ZSWIM5: variants seen among roughly 807,000 people sequenced by gnomAD.
ZSWIM5 encodes zinc finger SWIM domain-containing protein 5.
Under a neutral mutation model 119.6 loss-of-function variants are expected in ZSWIM5, and 55 were observed. The observed-to-expected ratio is 0.46, with a 90% CI of 0.37 to 0.58. The LOEUF (loss-of-function observed/expected upper bound fraction) is 0.58. Ranked by LOEUF, ZSWIM5 falls within the 20% of genes least tolerant of loss-of-function variation. The pLI, the probability that ZSWIM5 is intolerant of heterozygous loss-of-function variation, is 0.00. For missense variants in ZSWIM5, 1,193 were observed against 1,512.8 expected (o/e 0.79, Z 3.51); for synonymous variants, 537 against 606.9 (o/e 0.88, Z 1.69).
At position 45,019,925 on chromosome 1, in the gene ZSWIM5, G is replaced by GC; in HGVS notation, c.2695+140dup. 4 of 713,236 alleles carry GC rather than the reference G, an allele frequency of 5.6e-6. No homozygotes were observed. The highest frequency in any genetic ancestry group is 9.5e-6 in the Non-Finnish European group (4 of 422,646). The allele number at this position is 713,236 out of a possible 1,614,324, so 44.2% of individuals were successfully genotyped here. On this transcript the variant is annotated intron_variant, in intron 13 of 13. Transcript: ENST00000359600. This position sits in a 1 kb window ranked among gnomAD's most constrained non-coding sequence, Gnocchi z 5.0. ...CAGAGGCCACCTTCTCCTACCAGCA[G>GC]CCCCATCCTTTCTTAGGCCATCTCC...
At chr1:45,170,709 G>A (rs983605363) in intron 1 of ZSWIM5, among the ~76,000 whole-genome samples, 6 of 151,960 alleles carry the variant, frequency 3.9e-5, no homozygotes, top group African/African-American at 1.4e-4. Context: ...GATTACAGGT[G>A]CACAGGTGCA....
chr1:45,152,525 T>C (rs185641666), intron 1 of ZSWIM5, among the ~76,000 whole-genome samples: 43 of 151,914 alleles, frequency 2.8e-4, no homozygotes, highest in African/African-American at 9.1e-4. Flanking sequence ...ATTCAATAAA[T>C]GGTGCTGGGT....
chr1:45,058,570 T>C, intron 4 of ZSWIM5, 39 bp downstream of exon 4: 1 of 1,612,692 alleles, frequency 6.2e-7, no homozygotes, highest in Non-Finnish European at 8.5e-7. Flanking sequence ...CAGGGCAAGA[T>C]GGTAGAACAA....
At chr1:45,023,107 T>C (rs762365884) in intron 11 of ZSWIM5, among the ~76,000 whole-genome samples, 4 of 152,210 alleles carry the variant, frequency 2.6e-5, no homozygotes, top group Non-Finnish European at 5.9e-5. Context: ...AAGTCTACAG[T>C]TTACATTAGG....
At chr1:45,069,427 A>C (rs974210457) in intron 2 of ZSWIM5, among the ~76,000 whole-genome samples, 1 of 134,002 alleles carries the variant, frequency 7.5e-6, no homozygotes, top group Non-Finnish European at 1.5e-5. Flanking sequence ...CTCCGTCTCC[A>C]AAAAAAAAAA....
intron 1 of ZSWIM5, among the ~76,000 whole-genome samples, chr1:45,146,697 T>A (rs1470504292): frequency 6.9e-6 from 1 of 143,996 alleles, no homozygotes; most frequent in African/African-American, 2.7e-5. Context: ...GCCTCAGCCT[T>A]CCAAAGTTGT....
intron 1 of ZSWIM5, among the ~76,000 whole-genome samples, chr1:45,097,103 T>C: frequency 6.6e-6 from 1 of 152,178 alleles, no homozygotes; most frequent in Non-Finnish European, 1.5e-5. Flanking sequence ...GTAAGAAACT[T>C]AAAAATCCAT....
intron 11 of ZSWIM5, among the ~76,000 whole-genome samples, chr1:45,021,466 T>A (rs552145292): frequency 1.1e-3 from 173 of 152,278 alleles, no homozygotes; most frequent in African/African-American, 3.8e-3. Context: ...TCTTATTCAA[T>A]AGGCAGGGAT....
intron 1 of ZSWIM5, among the ~76,000 whole-genome samples, chr1:45,139,522 A>C (rs1570141815): frequency 8.3e-6 from 1 of 121,164 alleles, no homozygotes; most frequent in African/African-American, 3.3e-5. Context: ...CTTCCCACCC[A>C]AAGTGCTGGG....
At chr1:45,168,225 C>A (rs896822355) in intron 1 of ZSWIM5, among the ~76,000 whole-genome samples, 2 of 151,926 alleles carry the variant, frequency 1.3e-5, no homozygotes, top group Non-Finnish European at 2.9e-5. Flanking sequence ...ATCGCAAGGA[C>A]AGAAAACCAA....
intron 2 of ZSWIM5, chr1:45,070,425 T>C: frequency 7.3e-7 from 1 of 1,362,266 alleles, no homozygotes; most frequent in Non-Finnish European, 1.0e-6. Flanking sequence ...GTACAAAGTC[T>C]CCATGTTGGT....
At chr1:45,165,801 G>A (rs1270722980) in intron 1 of ZSWIM5, among the ~76,000 whole-genome samples, 2 of 152,016 alleles carry the variant, frequency 1.3e-5, no homozygotes, top group Non-Finnish European at 2.9e-5. Context: ...CCAATAACAG[G>A]CTCTGAAATT....
rs563059150 is a variant in ZSWIM5 at position 45,121,369 on chromosome 1, A to T, written c.596-33132T>A. Among the ~76,000 whole-genome samples the T allele has an allele frequency of 8.5e-5, 13 of 152,256 alleles. No homozygotes were observed. The East Asian group carries it at 2.5e-3, about 29-fold the overall frequency. Reference sequence around the variant, plus strand: ...GTAGGCTCTTATTCCTCTGCCTATCACTTTAATGTTCCTCAGGATTCTGTC... The same window carrying T: ...GTAGGCTCTTATTCCTCTGCCTATCTCTTTAATGTTCCTCAGGATTCTGTC... On this transcript the variant is annotated intron_variant, in intron 1 of 13. Coordinates refer to ENST00000359600, the MANE Select transcript of ZSWIM5 (RefSeq NM_020883.2).
chr1:45,028,093 C>T (rs199977289), intron 11 of ZSWIM5, among the ~76,000 whole-genome samples: 10 of 152,284 alleles, frequency 6.6e-5, no homozygotes, highest in South Asian at 2.1e-4. Context: ...TCAGGTGATC[C>T]GCCCACCTTG....
chr1:45,121,125 A>AT (rs1230923664), intron 1 of ZSWIM5, among the ~76,000 whole-genome samples: 1 of 151,406 alleles, frequency 6.6e-6, no homozygotes, highest in East Asian at 1.9e-4. Context: ...AATTTTTTGT[A>AT]TTTTTTTAGT....
At chr1:45,176,269 CTTATT>C (rs1248169218) in intron 1 of ZSWIM5, among the ~76,000 whole-genome samples, 3 of 151,314 alleles carry the variant, frequency 2.0e-5, no homozygotes, top group Non-Finnish European at 4.4e-5. Flanking sequence ...CTTTTCTTAT[CTTATT>C]TTATTTTTCA....
chr1:45,173,246 A>C (rs1557788317), intron 1 of ZSWIM5, among the ~76,000 whole-genome samples: 1 of 152,162 alleles, frequency 6.6e-6, no homozygotes, highest in Non-Finnish European at 1.5e-5. Flanking sequence ...TAATAGGTCC[A>C]CAACATATGA....
Position 45,040,391 on chromosome 1 carries a change from C to T in ZSWIM5, c.1756+1G>A. Reference sequence around the variant, plus strand: ...GGTTAGATGGCTCCTAATTACTATACCTTTCTTCTGATGCTTGTAGATTTC... The same window carrying T: ...GGTTAGATGGCTCCTAATTACTATATCTTTCTTCTGATGCTTGTAGATTTC... On this transcript the variant is annotated splice_donor_variant, in intron 7 of 13. Coordinates refer to ENST00000359600, the MANE Select transcript of ZSWIM5 (RefSeq NM_020883.2). LOFTEE classifies it high-confidence loss of function. The T allele has an allele frequency of 6.2e-7, 1 of 1,607,816 alleles. No homozygotes were observed. The highest frequency in any genetic ancestry group is 2.2e-5 in the East Asian group (1 of 44,724).
chr1:45,076,719 T>A (rs1158829747), intron 2 of ZSWIM5, among the ~76,000 whole-genome samples: 1 of 152,182 alleles, frequency 6.6e-6, no homozygotes, highest in East Asian at 1.9e-4. Context: ...CTACGTCGTC[T>A]CTAAGCCCAA....
Sources: allele counts gnomAD v4.1 joint callset (sites outside exome capture counted in the v4.1 genomes callset), GRCh38; gene constraint gnomAD v4.1.1; non-coding constraint Gnocchi (gnomAD v3.1); transcripts MANE v1.5; gene names NCBI Gene and HGNC (gene_info 2026-07-23, HGNC 2026-07-21).